The following SLC9A9 variants were observed in gnomAD, a reference collection of about 807,000 sequenced individuals.
SLC9A9 encodes the protein solute carrier family 9 member A9, also known as sodium/hydrogen exchanger 9.
In SLC9A9, 62 loss-of-function variants were observed where a neutral mutation model predicts 77.8. That is an observed-to-expected ratio of 0.80 (90% CI 0.65 to 0.98). The LOEUF (loss-of-function observed/expected upper bound fraction) is 0.98. SLC9A9 is among the 50% of genes least tolerant of loss of function. The pLI, the probability that SLC9A9 is intolerant of heterozygous loss-of-function variation, is 0.00. For missense variants in SLC9A9, 775 were observed against 774.9 expected, an observed-to-expected ratio of 1.00 and a Z score of 0.00; for synonymous variants, 320 against 283.5, an observed-to-expected ratio of 1.13 and a Z score of -1.29.
chr3:143,695,340 C>T (rs1933600422), intron 4 of SLC9A9, among the ~76,000 whole-genome samples: 1 of 152,048 alleles, frequency 6.6e-6, no homozygotes, highest in African/African-American at 2.4e-5. Flanking sequence ...TCCCTAGTCC[C>T]CCACACCACA....
At chr3:143,600,992 C>T (rs1321493891) in intron 6 of SLC9A9, among the ~76,000 whole-genome samples, 9 of 152,096 alleles carry the variant, frequency 5.9e-5, no homozygotes, top group African/African-American at 2.2e-4. Context: ...GGGATGTAAG[C>T]GGAAATGTTG....
chr3:143,671,072 T>C lies in SLC9A9; in HGVS notation c.650-18712A>G, dbSNP rs146732264. ...ATGTACCACTTAAGTTTTTAGAACC[T>C]CTGTTGCTTGGAATGGAGATAATTG... On this transcript the variant is annotated intron_variant, in intron 5 of 15. Transcript: ENST00000316549. 3.6e-3 allele frequency among the ~76,000 whole-genome samples: 554 copies of C among 152,288 alleles called. 4 individuals are homozygous for C. Among genetic ancestry groups the C allele is most frequent in the African/African-American group, 0.013 (526 of 41,548 alleles).
At chr3:143,733,958 A>G (rs951346178) in intron 4 of SLC9A9, among the ~76,000 whole-genome samples, 1 of 152,170 alleles carries the variant, frequency 6.6e-6, no homozygotes, top group African/African-American at 2.4e-5. Flanking sequence ...GCACTTTGGG[A>G]CACCAAGGTA....
chr3:143,276,293 T>C (rs1018208536), intron 14 of SLC9A9, among the ~76,000 whole-genome samples: 3 of 152,248 alleles, frequency 2.0e-5, no homozygotes, highest in African/African-American at 7.2e-5. Context: ...GGGAATACCG[T>C]TGACTAATCT....
intron 13 of SLC9A9, among the ~76,000 whole-genome samples, chr3:143,374,153 T>C (rs910864494): frequency 1.3e-5 from 2 of 151,528 alleles, no homozygotes; most frequent in Non-Finnish European, 2.9e-5. Flanking sequence ...AGGCCGGGTG[T>C]GGTGGCTCAC....
chr3:143,549,688 A>AT, intron 9 of SLC9A9, among the ~76,000 whole-genome samples: 1 of 152,246 alleles, frequency 6.6e-6, no homozygotes, highest in East Asian at 1.9e-4. Flanking sequence ...ATGGGCACTG[A>AT]TTTTGGCTTT....
intron 6 of SLC9A9, among the ~76,000 whole-genome samples, chr3:143,585,369 A>G (rs1402345188): frequency 2.6e-5 from 4 of 152,224 alleles, no homozygotes; most frequent in South Asian, 4.1e-4. Context: ...TAAATTGTAT[A>G]TTCAGTGGAA....
At chr3:143,454,084 C>T (rs1041413920) in intron 12 of SLC9A9, among the ~76,000 whole-genome samples, 1 of 152,294 alleles carries the variant, frequency 6.6e-6, no homozygotes, top group Admixed American at 6.5e-5. Flanking sequence ...TTATCTTGGA[C>T]TTCCCAGCTT....
chr3:143,389,827 T>C (rs1576464993), intron 12 of SLC9A9, among the ~76,000 whole-genome samples: 2 of 152,074 alleles, frequency 1.3e-5, no homozygotes, highest in African/African-American at 2.4e-5. Flanking sequence ...GCATGTCAAG[T>C]ATGTAAAGAC....
chr3:143,690,170 C>T (rs1343500708), intron 5 of SLC9A9, among the ~76,000 whole-genome samples: 1 of 151,290 alleles, frequency 6.6e-6, no homozygotes, highest in South Asian at 2.1e-4. Context: ...TTTTTAGTAA[C>T]AATATATATA....
At chr3:143,343,940 T>C (rs1423719038) in intron 14 of SLC9A9, among the ~76,000 whole-genome samples, 1 of 152,176 alleles carries the variant, frequency 6.6e-6, no homozygotes, top group Non-Finnish European at 1.5e-5. Flanking sequence ...ATCAAATCCA[T>C]GTAACTCCCA....
chr3:143,369,668 T>C (rs536552629), intron 13 of SLC9A9, among the ~76,000 whole-genome samples: 6 of 152,242 alleles, frequency 3.9e-5, no homozygotes, highest in African/African-American at 1.2e-4. Flanking sequence ...AAAAAATCTC[T>C]TTGAAGGAAA....
At chr3:143,524,626 A>G (rs554819969) in intron 9 of SLC9A9, among the ~76,000 whole-genome samples, 2 of 152,308 alleles carry the variant, frequency 1.3e-5, no homozygotes, top group South Asian at 4.1e-4. Flanking sequence ...CCCTATCATT[A>G]TGACTAATTT....
At chr3:143,355,529 A>G (rs1291948140) in intron 14 of SLC9A9, among the ~76,000 whole-genome samples, 2 of 152,246 alleles carry the variant, frequency 1.3e-5, no homozygotes, top group Admixed American at 6.5e-5. Context: ...TAGATAGGCT[A>G]TAATAGCAAA....
At chr3:143,577,870 A>T (rs1448571592) in intron 7 of SLC9A9, among the ~76,000 whole-genome samples, 1 of 152,052 alleles carries the variant, frequency 6.6e-6, no homozygotes, top group Non-Finnish European at 1.5e-5. Context: ...CTTATACTTG[A>T]CATTGGCCTT....
intron 14 of SLC9A9, among the ~76,000 whole-genome samples, chr3:143,357,039 A>G (rs879843332): frequency 6.6e-6 from 1 of 152,158 alleles, no homozygotes; most frequent in Non-Finnish European, 1.5e-5. Context: ...TTCCCAGGAG[A>G]AGCAGTTATA....
At chr3:143,715,605 T>C (rs1420508830) in intron 4 of SLC9A9, among the ~76,000 whole-genome samples, 1 of 152,234 alleles carries the variant, frequency 6.6e-6, no homozygotes, top group African/African-American at 2.4e-5. Flanking sequence ...AACATCTCTG[T>C]CTTAGCCATC....
intron 1 of SLC9A9, among the ~76,000 whole-genome samples, chr3:143,846,810 A>G (rs1046901116): frequency 6.6e-5 from 10 of 151,998 alleles, no homozygotes; most frequent in Admixed American, 6.6e-5. Context: ...CATGTGCACA[A>G]CGTGCAGGTT....
At chr3:143,800,791 A>T (rs1027650090) in intron 2 of SLC9A9, among the ~76,000 whole-genome samples, 2 of 152,146 alleles carry the variant, frequency 1.3e-5, no homozygotes, top group African/African-American at 2.4e-5. Flanking sequence ...TCCTAACAAG[A>T]CACCCTCCTG....
Sources: allele counts gnomAD v4.1 joint callset (sites outside exome capture counted in the v4.1 genomes callset), GRCh38; gene constraint gnomAD v4.1.1; transcripts MANE v1.5; gene names NCBI Gene and HGNC (gene_info 2026-07-23, HGNC 2026-07-21).